The following CAST variants were observed in gnomAD, a reference collection of about 807,000 sequenced individuals.
CAST encodes the protein calpastatin.
Under a neutral mutation model 119.6 loss-of-function variants are expected in CAST, and 76 were observed. The ratio of observed to expected loss-of-function variants is 0.64; its 90% CI spans 0.53 to 0.77. The LOEUF (loss-of-function observed/expected upper bound fraction) is 0.77. CAST is among the 30% of genes least tolerant of loss of function. CAST has a pLI of 0.00. For missense variants in CAST, 953 were observed against 946.5 expected (o/e 1.01, Z -0.09); for synonymous variants, 319 against 331.6 (o/e 0.96, Z 0.41).
intron 1 of CAST, among the ~76,000 whole-genome samples, chr5:96,624,930 G>T (rs774706433): frequency 1.3e-5 from 2 of 152,206 alleles, no homozygotes; most frequent in African/African-American, 4.8e-5. Context: ...ATGGCAACAC[G>T]TGGATTCAAG....
At chr5:96,083,897 A>T in the CAST span, among the ~76,000 whole-genome samples, 3 of 152,202 alleles carry the variant, frequency 2.0e-5, no homozygotes, top group African/African-American at 7.2e-5. Context: ...GACTACTTGC[A>T]TTACTACTTG....
the CAST span, among the ~76,000 whole-genome samples, chr5:96,510,795 CATT>C: frequency 6.6e-6 from 1 of 152,112 alleles, no homozygotes; most frequent in Non-Finnish European, 1.5e-5. Context: ...AATAAAATGA[CATT>C]ATGTCTGATA....
At chr5:96,071,654 T>G in the CAST span, among the ~76,000 whole-genome samples, 1 of 152,202 alleles carries the variant, frequency 6.6e-6, no homozygotes, top group Non-Finnish European at 1.5e-5. Context: ...CTTTCTGGTT[T>G]TTCCTCTCAC....
the CAST span, among the ~76,000 whole-genome samples, chr5:96,426,457 C>T: frequency 3.3e-5 from 5 of 152,160 alleles, no homozygotes; most frequent in African/African-American, 9.7e-5. Context: ...CCCTGTGCTT[C>T]GACCTCTGCT....
chr5:96,006,786 G>A, the CAST span, among the ~76,000 whole-genome samples: 1 of 152,148 alleles, frequency 6.6e-6, no homozygotes, highest in African/African-American at 2.4e-5. Context: ...CATGTTTTAA[G>A]CAGGATTACT....
chr5:96,619,361 C>CAAAATGGACCAATCAGCTCTCTGT, intron 1 of CAST, among the ~76,000 whole-genome samples: 2 of 152,136 alleles, frequency 1.3e-5, no homozygotes, highest in Non-Finnish European at 2.9e-5. Flanking sequence ...AGCACCCTGT[C>CAAAATGGACCAATCAGCTCTCTGT]AAAATGGACC....
the CAST span, among the ~76,000 whole-genome samples, chr5:96,346,754 C>T: frequency 6.6e-6 from 1 of 152,172 alleles, no homozygotes; most frequent in African/African-American, 2.4e-5. Context: ...TGGTGGGTTC[C>T]ATACTCACGC....
chr5:96,457,213 A>C, the CAST span, among the ~76,000 whole-genome samples: 1 of 152,130 alleles, frequency 6.6e-6, no homozygotes, highest in African/African-American at 2.4e-5. Context: ...TAGATCTCTC[A>C]AAGCTCCCCA....
At chr5:96,501,341 TAGTC>T in the CAST span, among the ~76,000 whole-genome samples, 1 of 152,174 alleles carries the variant, frequency 6.6e-6, no homozygotes, top group South Asian at 2.1e-4. Flanking sequence ...TATAAACAAT[TAGTC>T]AGAGACATAC....
chr5:96,674,192 T>C (rs1190399932), intron 1 of CAST, among the ~76,000 whole-genome samples: 1 of 152,160 alleles, frequency 6.6e-6, no homozygotes, highest in African/African-American at 2.4e-5. Context: ...TAGTTATGTT[T>C]CCTTGTAAAC....
the CAST span, among the ~76,000 whole-genome samples, chr5:96,423,011 C>T: frequency 6.6e-6 from 1 of 151,870 alleles, no homozygotes; most frequent in Non-Finnish European, 1.5e-5. Flanking sequence ...CTTTAATGCC[C>T]CAAACACTGA....
the CAST span, among the ~76,000 whole-genome samples, chr5:96,415,480 C>A: frequency 3.3e-5 from 5 of 152,300 alleles, no homozygotes; most frequent in East Asian, 7.7e-4. Flanking sequence ...TAAATCGTTT[C>A]TTTATTAAAA....
the CAST span, among the ~76,000 whole-genome samples, chr5:96,320,228 C>CTTTTTTTTTTTTTTTTTTTTTTTTTTT: frequency 1.0e-5 from 1 of 97,360 alleles, no homozygotes; most frequent in Non-Finnish European, 2.1e-5. Context: ...AAGGCTTTTG[C>CTTTTTTTTTTTTTTTTTTTTTTTTTTT]TTTTTTTTTT....
At chr5:96,124,128 A>G in the CAST span, among the ~76,000 whole-genome samples, 1 of 151,984 alleles carries the variant, frequency 6.6e-6, no homozygotes, top group African/African-American at 2.4e-5. Context: ...CTCAGATCAA[A>G]CTTTCATTTC....
At chr5:96,723,709 T>G (rs1284190009) in intron 4 of CAST, among the ~76,000 whole-genome samples, 1 of 152,250 alleles carries the variant, frequency 6.6e-6, no homozygotes, top group Non-Finnish European at 1.5e-5. Context: ...TGGGAATATT[T>G]CAGGGGAGGG....
chr5:96,700,868 C>T (rs1164127439), intron 3 of CAST, among the ~76,000 whole-genome samples: 1 of 152,108 alleles, frequency 6.6e-6, no homozygotes. Context: ...CATTGTTTGC[C>T]TTCACTCTAA....
At chr5:96,429,857 G>A in the CAST span, among the ~76,000 whole-genome samples, 1 of 152,148 alleles carries the variant, frequency 6.6e-6, no homozygotes, top group Non-Finnish European at 1.5e-5. Context: ...CTCACAGTAG[G>A]AGGCTAGTGA....
the CAST span, among the ~76,000 whole-genome samples, chr5:96,003,448 G>C: frequency 6.7e-6 from 1 of 148,962 alleles, no homozygotes; most frequent in African/African-American, 2.5e-5. Flanking sequence ...TGAGGCAGGA[G>C]AATAGTGTGA....
At chr5:96,476,134 C>T in the CAST span, among the ~76,000 whole-genome samples, 6 of 152,136 alleles carry the variant, frequency 3.9e-5, no homozygotes, top group African/African-American at 1.4e-4. Flanking sequence ...TATTGACCAG[C>T]AAATCTTTTC....
Sources: allele counts gnomAD v4.1 joint callset (sites outside exome capture counted in the v4.1 genomes callset), GRCh38; gene constraint gnomAD v4.1.1; transcripts MANE v1.5; gene names NCBI Gene and HGNC (gene_info 2026-07-23, HGNC 2026-07-21).